UBAP1: variants seen among roughly 807,000 people sequenced by gnomAD.
UBAP1 encodes ubiquitin associated protein 1.
Under a neutral mutation model 39.0 loss-of-function variants are expected in UBAP1, and 5 were observed. The observed-to-expected ratio is 0.13, with a 90% CI of 0.07 to 0.27. UBAP1 has a LOEUF of 0.27. Among genes scored for constraint, UBAP1 ranks in the 10% least tolerant of loss-of-function variants. The pLI, the probability that UBAP1 is intolerant of heterozygous loss-of-function variation, is 1.00. For synonymous variants in UBAP1, 211 were observed against 225.1 expected (o/e 0.94, Z 0.56); for missense variants, 490 against 608.1 (o/e 0.81, Z 2.04).
At chr9:34,182,618 TC>T in intron 1 of UBAP1, among the ~76,000 whole-genome samples, 1 of 28,542 alleles carries the variant, frequency 3.5e-5, no homozygotes, top group Non-Finnish European at 6.8e-5. Flanking sequence ...TTTCTTTCCT[TC>T]TTTCTTTCTT....
intron 1 of UBAP1, among the ~76,000 whole-genome samples, chr9:34,189,895 C>G (rs1027098980): frequency 3.3e-5 from 5 of 152,096 alleles, no homozygotes; most frequent in South Asian, 2.1e-4. Context: ...CTCAGCCTCC[C>G]AAAGTGCTGG....
intron 1 of UBAP1, among the ~76,000 whole-genome samples, chr9:34,182,696 T>TCTCTCTC (rs746595695): frequency 1.5e-5 from 2 of 130,744 alleles, no homozygotes; most frequent in East Asian, 2.3e-4. Context: ...TCTCTCTTTC[T>TCTCTCTC]TTTCTTTTCT....
chr9:34,217,055 T>C (rs535296656), intron 1 of UBAP1, among the ~76,000 whole-genome samples: 1 of 152,188 alleles, frequency 6.6e-6, no homozygotes, highest in South Asian at 2.1e-4. Flanking sequence ...CGGCCTCTGG[T>C]AATTACTATT....
At chr9:34,230,154 C>T (rs1032513177) in intron 2 of UBAP1, among the ~76,000 whole-genome samples, 1 of 152,106 alleles carries the variant, frequency 6.6e-6, no homozygotes, top group Non-Finnish European at 1.5e-5. Flanking sequence ...ACTTCTGCCT[C>T]CCGGGTTAAA....
At chr9:34,229,967 G>A (rs568149710) in intron 2 of UBAP1, among the ~76,000 whole-genome samples, 3 of 151,620 alleles carry the variant, frequency 2.0e-5, no homozygotes, top group South Asian at 2.1e-4. Context: ...GAGCCACCAC[G>A]CTGGCCTCAT....
chr9:34,201,685 C>T (rs1338850909), intron 1 of UBAP1, among the ~76,000 whole-genome samples: 2 of 152,076 alleles, frequency 1.3e-5, no homozygotes, highest in Non-Finnish European at 2.9e-5. Context: ...GGCAGTTTTC[C>T]CCACACACCA....
At chr9:34,237,806 G>A (rs952336811) in intron 3 of UBAP1, among the ~76,000 whole-genome samples, 12 of 152,170 alleles carry the variant, frequency 7.9e-5, no homozygotes, top group African/African-American at 2.9e-4. Context: ...GGCCTCAAGT[G>A]ATCTGCCCAC....
chr9:34,248,642 CTGAG>C (rs1834302310), intron 4 of UBAP1, among the ~76,000 whole-genome samples: 1 of 152,188 alleles, frequency 6.6e-6, no homozygotes. Flanking sequence ...GCTTGGGCTG[CTGAG>C]TGTGTGCTGT....
chr9:34,235,431 T>C (rs34101226), intron 3 of UBAP1, among the ~76,000 whole-genome samples: 49,325 of 151,762 alleles, frequency 0.33, 9,785 homozygotes, highest in Non-Finnish European at 0.45. Context: ...CTCTGCCTCC[T>C]GGGTTCACAC....
chr9:34,199,901 C>T (rs1831275431), intron 1 of UBAP1, among the ~76,000 whole-genome samples: 2 of 151,544 alleles, frequency 1.3e-5, no homozygotes, highest in South Asian at 2.1e-4. Context: ...CTGCCTCGGC[C>T]TTGCAAAGTA....
At chr9:34,182,182 T>TTATG (rs1213314736) in intron 1 of UBAP1, among the ~76,000 whole-genome samples, 3 of 145,120 alleles carry the variant, frequency 2.1e-5, no homozygotes, top group Non-Finnish European at 3.0e-5. Flanking sequence ...ATTTATTTAT[T>TTATG]TATTTATTTA....
intron 1 of UBAP1, among the ~76,000 whole-genome samples, chr9:34,195,598 CT>C (rs769647041): frequency 9.6e-4 from 136 of 141,348 alleles, no homozygotes; most frequent in Admixed American, 1.0e-3. Flanking sequence ...TTGGATTTTT[CT>C]TTTTTTTTTT....
intron 1 of UBAP1, among the ~76,000 whole-genome samples, chr9:34,206,878 A>C (rs1253514381): frequency 2.0e-5 from 3 of 151,892 alleles, no homozygotes; most frequent in Non-Finnish European, 4.4e-5. Flanking sequence ...CCAAATGTTT[A>C]TATTTTGGGT....
At position 34,188,423 on chromosome 9, in the gene UBAP1, C is replaced by CTT. The variant is rs34942688; in HGVS notation, c.-8+9206_-8+9207dup. ...TTTGAATGCTAAACTTAGTCTTCAG[C>CTT]TTTTTTTTTTTTTTTTTTTTTTTTA... is the stretch of plus-strand genomic sequence containing the variant. On this transcript the variant is annotated intron_variant, in intron 1 of 6. Transcript: ENST00000297661. Among the ~76,000 whole-genome samples the CTT allele has an allele frequency of 4.5e-3, 523 of 117,152 alleles. 2 individuals are homozygous for CTT. Among genetic ancestry groups the CTT allele is most frequent in the African/African-American group, 7.3e-3 (227 of 30,970 alleles). 76.9% of individuals were successfully genotyped at this position (117,152 alleles called of 152,430 possible).
intron 3 of UBAP1, among the ~76,000 whole-genome samples, chr9:34,240,020 A>C (rs1236508300): frequency 6.6e-6 from 1 of 152,236 alleles, no homozygotes; most frequent in Non-Finnish European, 1.5e-5. Flanking sequence ...TTTTTAAAAT[A>C]AAACTTCAAA....
At chr9:34,242,867 T>A (rs1834030972) in intron 4 of UBAP1, among the ~76,000 whole-genome samples, 1 of 152,146 alleles carries the variant, frequency 6.6e-6, no homozygotes, top group Non-Finnish European at 1.5e-5. Flanking sequence ...AAGAGACTAT[T>A]TAGAGCCAAA....
At chr9:34,207,801 A>G (rs577273155) in intron 1 of UBAP1, among the ~76,000 whole-genome samples, 1 of 151,996 alleles carries the variant, frequency 6.6e-6, no homozygotes. Flanking sequence ...CAGAGTATTA[A>G]TTTGTTTCAG....
At chr9:34,183,441 A>G (rs1199255784) in intron 1 of UBAP1, among the ~76,000 whole-genome samples, 1 of 151,028 alleles carries the variant, frequency 6.6e-6, no homozygotes, top group East Asian at 2.0e-4. Flanking sequence ...GCTACTCGGG[A>G]GGCTGAGGCA....
intron 1 of UBAP1, among the ~76,000 whole-genome samples, chr9:34,204,488 C>T (rs1161817271): frequency 6.6e-6 from 1 of 150,970 alleles, no homozygotes; most frequent in African/African-American, 2.4e-5. Context: ...TTGAAGAAAA[C>T]ACCCGTTTGT....
Sources: allele counts gnomAD v4.1 joint callset (sites outside exome capture counted in the v4.1 genomes callset), GRCh38; gene constraint gnomAD v4.1.1; transcripts MANE v1.5; gene names NCBI Gene and HGNC (gene_info 2026-07-23, HGNC 2026-07-21).